Variants in CCDC33 observed in about 807,000 individuals in gnomAD.
CCDC33 encodes coiled-coil domain-containing protein 33.
CCDC33 carries 94 observed loss-of-function variants against 91.9 expected under a neutral mutation model. The observed-to-expected ratio is 1.02, with a 90% CI of 0.87 to 1.21. The LOEUF is 1.21. CCDC33 is among the 50% of genes most tolerant of loss of function. The probability of loss-of-function intolerance (pLI) is 0.00; values close to 1 mark genes in which losing one functional copy is unlikely to be tolerated. For missense variants in CCDC33, 940 were observed against 935.5 expected (o/e 1.00, Z -0.06); for synonymous variants, 396 against 374.5 (o/e 1.06, Z -0.66).
chr15:74,266,607 C>G (rs923449286), intron 3 of CCDC33, 71 bp from the exon 4 acceptor site: 2 of 1,076,994 alleles, frequency 1.9e-6, no homozygotes, highest in Non-Finnish European at 2.9e-6. Context: ...TCACCTCTCA[C>G]TGTCTCTCCT....
At chr15:74,296,544 T>C (rs2059691202) in intron 11 of CCDC33, among the ~76,000 whole-genome samples, 1 of 152,182 alleles carries the variant, frequency 6.6e-6, no homozygotes, top group Admixed American at 6.5e-5. Flanking sequence ...GAGAATCACT[T>C]GAACCTGGGA....
chr15:74,206,996 G>A (rs1319448381), intron 1 of CCDC33, among the ~76,000 whole-genome samples: 2 of 152,240 alleles, frequency 1.3e-5, no homozygotes, highest in Non-Finnish European at 2.9e-5. Flanking sequence ...CTCTGAGCCA[G>A]TGAAGGCCAT....
chr15:74,295,800 C>T lies in CCDC33; in HGVS notation c.1142C>T (p.Thr381Ile), dbSNP rs755470888. The change falls in exon 11 of 19, where the codon ACC (threonine) becomes ATC (isoleucine). Residue 381 changes from threonine (T) to isoleucine (I), a missense_variant. Coordinates refer to ENST00000398814, the MANE Select transcript of CCDC33 (RefSeq NM_025055.5). ...CCAAACAACAGCAAGGCTCTTCCTA[C>T]CTTGGACCCCAAGATCCTGGATAAG... ...LTPNNSKALP[T>I]LDPKILDKKL... is the part of the protein sequence containing the mutation. 32 of 1,613,976 alleles carry T rather than the reference C, an allele frequency of 2.0e-5. No individual in the cohort carries two copies. The highest frequency in any genetic ancestry group is 2.4e-5 in the Non-Finnish European group (28 of 1,180,014).
intron 2 of CCDC33, among the ~76,000 whole-genome samples, chr15:74,247,469 C>G (rs2075573919): frequency 6.6e-6 from 1 of 151,278 alleles, no homozygotes; most frequent in Non-Finnish European, 1.5e-5. Flanking sequence ...ACATATATAT[C>G]CACATATAGA....
intron 2 of CCDC33, among the ~76,000 whole-genome samples, chr15:74,228,526 T>C (rs558677486): frequency 1.9e-3 from 287 of 152,298 alleles, no homozygotes; most frequent in Non-Finnish European, 3.4e-3. Context: ...CTGTGGCTTC[T>C]TTGGGGAACT....
At chr15:74,290,395 C>T (rs2059564702) in intron 10 of CCDC33, among the ~76,000 whole-genome samples, 1 of 152,114 alleles carries the variant, frequency 6.6e-6, no homozygotes, top group African/African-American at 2.4e-5. Context: ...CCAGGCTGGT[C>T]TCAAACTCCT....
chr15:74,254,684 T>G (rs1486640368), intron 2 of CCDC33, among the ~76,000 whole-genome samples: 1 of 151,888 alleles, frequency 6.6e-6, no homozygotes, highest in Non-Finnish European at 1.5e-5. Flanking sequence ...CCCAGTACCC[T>G]GCGAATGTCA....
At chr15:74,272,957 C>G (rs2076360359) in intron 7 of CCDC33, 66 bp downstream of exon 7, 8 of 1,567,254 alleles carry the variant, frequency 5.1e-6, no homozygotes, top group African/African-American at 2.7e-5. Context: ...TTCACTCACT[C>G]AGTGAGTCAG....
intron 7 of CCDC33, among the ~76,000 whole-genome samples, chr15:74,274,273 G>A (rs931652549): frequency 6.6e-6 from 1 of 152,194 alleles, no homozygotes; most frequent in Non-Finnish European, 1.5e-5. Context: ...TTGGGGGCGG[G>A]TGCACGCACA....
chr15:74,210,822 A>T (rs2074355823), intron 2 of CCDC33, among the ~76,000 whole-genome samples: 1 of 152,154 alleles, frequency 6.6e-6, no homozygotes, highest in Admixed American at 6.5e-5. Flanking sequence ...CACAATTCCC[A>T]GGTTGTGTTC....
intron 2 of CCDC33, among the ~76,000 whole-genome samples, chr15:74,256,350 C>A (rs1243394713): frequency 6.6e-6 from 1 of 152,220 alleles, no homozygotes; most frequent in East Asian, 1.9e-4. Context: ...CCGGTGATTT[C>A]TGTGAGGTCA....
At position 74,331,030 on chromosome 15, in the gene CCDC33, C is replaced by T. The variant is rs1007655389; in HGVS notation, c.1595C>T (p.Pro532Leu). The stretch of plus-strand genomic sequence containing the variant: ...CTCCTTCTGTATCAGGCCCAGCAGC[C>T]ACAGGCCGCTCTGCTGAAGCAGTAC... The part of the protein sequence containing the change: ...ELLLLYQAQQ[P>L]QAALLKQYQG... Residue 532 changes from proline to leucine, a missense_variant, in exon 14 of 19, where the codon CCA becomes CTA. Coordinates refer to ENST00000398814, the MANE Select transcript of CCDC33 (RefSeq NM_025055.5). 2 of 1,611,878 alleles carry T rather than the reference C, an allele frequency of 1.2e-6. No individual in the cohort carries two copies. The highest frequency in any genetic ancestry group is 1.7e-6 in the Non-Finnish European group (2 of 1,178,804).
rs370359658 is a variant in CCDC33, at chr15:74,332,868, C to G, written c.1938+23C>G. The G allele has an allele frequency of 1.2e-5, 20 of 1,607,156 alleles. No homozygotes were observed. In the African/African-American group the frequency reaches 2.7e-4, roughly 22 times the overall value. On this transcript the variant is annotated intron_variant, in intron 16 of 18. Coordinates refer to ENST00000398814, the MANE Select transcript of CCDC33 (RefSeq NM_025055.5). The stretch of plus-strand genomic sequence containing the variant: ...CCGGTAAGAGGCCCTTGACCTGGGC[C>G]TGCCTATGCCGGTCACTGGGTGCCC...
chr15:74,285,862 G>A (rs1401446718), intron 10 of CCDC33, among the ~76,000 whole-genome samples: 1 of 152,160 alleles, frequency 6.6e-6, no homozygotes, highest in African/African-American at 2.4e-5. Context: ...AGAAAAACAT[G>A]TACACTCATA....
chr15:74,295,770 T>A lies in CCDC33; in HGVS notation c.1112T>A (p.Leu371Ter). ...LLSSERPENF[L>*]TPNNSKALPT... is the part of the protein sequence containing the mutation. ...TCTTCTCAGAGACCAGAAAACTTCT[T>A]GACACCAAACAACAGCAAGGCTCTT... The change falls in exon 11 of 19, where the codon TTG (leucine) becomes TAG (stop). Residue 371 changes from leucine to a stop codon, truncating the protein, a stop_gained. Transcript: ENST00000398814. LOFTEE classifies it high-confidence loss of function. 1 of 1,612,644 alleles carries A rather than the reference T, an allele frequency of 6.2e-7. No homozygotes were observed. Among genetic ancestry groups the A allele is most frequent in the Non-Finnish European group, 8.5e-7 (1 of 1,179,558 alleles).
chr15:74,257,038 G>A (rs932718936), intron 2 of CCDC33, among the ~76,000 whole-genome samples: 1 of 152,242 alleles, frequency 6.6e-6, no homozygotes, highest in African/African-American at 2.4e-5. Context: ...GCAGGCAAGG[G>A]CAGGGGAAGA....
At chr15:74,233,458 G>A (rs907248750), upstream of CCDC33, among the ~76,000 whole-genome samples, 1 of 152,244 alleles carries the variant, frequency 6.6e-6, no homozygotes, top group African/African-American at 2.4e-5. Context: ...ACCTTCGAGG[G>A]CTGCTCTGAC....
At chr15:74,318,258 T>C (rs2060133284) in intron 11 of CCDC33, among the ~76,000 whole-genome samples, 2 of 149,680 alleles carry the variant, frequency 1.3e-5, no homozygotes, top group South Asian at 4.3e-4. Flanking sequence ...CGGAGGGAGT[T>C]GAGGGGGAGG....
intron 3 of CCDC33, among the ~76,000 whole-genome samples, chr15:74,265,922 G>C (rs1477066046): frequency 6.6e-6 from 1 of 152,190 alleles, no homozygotes; most frequent in African/African-American, 2.4e-5. Flanking sequence ...TACTTGGGAG[G>C]CTGAGGCAGG....
Sources: gnomAD v4.1 joint callset for allele counts (sites outside exome capture counted in the v4.1 genomes callset) on GRCh38, gnomAD v4.1.1 for gene constraint, MANE v1.5 for transcripts, NCBI Gene and HGNC (gene_info 2026-07-23, HGNC 2026-07-21) for gene names.